The following ARHGEF11 variants were observed in gnomAD, a reference collection of about 807,000 sequenced individuals.
ARHGEF11 encodes the protein Rho guanine nucleotide exchange factor 11, also known as Rho guanine exchange factor (GEF) 11.
ARHGEF11 carries 55 observed loss-of-function variants against 193.7 expected under a neutral mutation model. The observed-to-expected ratio is 0.28, with a 90% CI of 0.23 to 0.36. The LOEUF (loss-of-function observed/expected upper bound fraction) is 0.36. Among genes scored for constraint, ARHGEF11 ranks in the 10% least tolerant of loss-of-function variants. The pLI is 1.00. For missense variants in ARHGEF11, 1,723 were observed against 2,005.6 expected (o/e 0.86, Z 2.69); for synonymous variants, 693 against 768.0 (o/e 0.90, Z 1.62).
chr1:156,963,636 G>C (rs1347409256), intron 11 of ARHGEF11, 42 bp from the exon 12 acceptor site: 1 of 1,598,506 alleles, frequency 6.3e-7, no homozygotes, highest in East Asian at 2.2e-5. Flanking sequence ...AGGTTATAGA[G>C]GACAGAGGAT....
intron 18 of ARHGEF11, among the ~76,000 whole-genome samples, chr1:156,957,381 G>A (rs1486067132): frequency 6.6e-6 from 1 of 152,162 alleles, no homozygotes; most frequent in African/African-American, 2.4e-5. Context: ...GAACTATGCT[G>A]CACCCCAGCT....
At position 156,936,832 on chromosome 1, in the gene ARHGEF11, C is replaced by A. The variant is rs147993798; in HGVS notation, c.4614G>T (p.Gly1538=). 3 of 1,613,766 alleles carry A rather than the reference C, an allele frequency of 1.9e-6. No individual in the cohort carries two copies. The highest frequency in any genetic ancestry group is 2.5e-6 in the Non-Finnish European group (3 of 1,179,874). The change falls in exon 40 of 41, where the codon GGG becomes GGT. Residue 1538 remains glycine, a synonymous_variant. Coordinates refer to ENST00000368194, the MANE Select transcript of ARHGEF11 (RefSeq NM_198236.3). ...TTCACTCACCATCCTCAGGGCAGGG[C>A]CCCAGTTCATGGCTGTTCCTGGAGT... ...ASDSRNSHEL[G]PCPEDGSDAP...
At chr1:157,032,293 C>A (rs571849501) in intron 1 of ARHGEF11, among the ~76,000 whole-genome samples, 2 of 152,288 alleles carry the variant, frequency 1.3e-5, no homozygotes, top group South Asian at 4.1e-4. Context: ...CAGAGTAGAG[C>A]CACTGACAAG....
intron 37 of ARHGEF11, 48 bp downstream of exon 37, chr1:156,939,500 C>T (rs1656316839): frequency 6.2e-7 from 1 of 1,601,626 alleles, no homozygotes; most frequent in Non-Finnish European, 8.5e-7. Flanking sequence ...ACTTATCTCA[C>T]CTAGCAAGGG....
intron 1 of ARHGEF11, among the ~76,000 whole-genome samples, chr1:156,998,994 G>A (rs190581674): frequency 2.6e-5 from 4 of 152,298 alleles, no homozygotes; most frequent in Non-Finnish European, 4.4e-5. Context: ...GAAGTCAGGG[G>A]TGGAGAGCAA....
At chr1:156,998,896 G>C (rs1192593347) in intron 1 of ARHGEF11, among the ~76,000 whole-genome samples, 1 of 152,174 alleles carries the variant, frequency 6.6e-6, no homozygotes, top group Non-Finnish European at 1.5e-5. Flanking sequence ...CCTAGATATT[G>C]GTGCTAATTC....
At chr1:156,994,702 T>C (rs1269412443) in intron 1 of ARHGEF11, among the ~76,000 whole-genome samples, 5 of 152,164 alleles carry the variant, frequency 3.3e-5, no homozygotes, top group Non-Finnish European at 7.3e-5. Flanking sequence ...ACACAGGACA[T>C]GTGGTATGGT....
At chr1:156,994,250 T>C (rs1171108580) in intron 1 of ARHGEF11, among the ~76,000 whole-genome samples, 2 of 152,188 alleles carry the variant, frequency 1.3e-5, no homozygotes, top group African/African-American at 4.8e-5. Flanking sequence ...GCCTGGTGCA[T>C]AGTGAGGGTC....
At chr1:156,952,903 G>A (rs1377283249) in intron 21 of ARHGEF11, among the ~76,000 whole-genome samples, 1 of 152,266 alleles carries the variant, frequency 6.6e-6, no homozygotes, top group East Asian at 1.9e-4. Context: ...CAGCTGGGCA[G>A]CCGCAGCCCT....
chr1:156,990,906 T>G (rs1665606162), intron 1 of ARHGEF11, among the ~76,000 whole-genome samples: 1 of 152,192 alleles, frequency 6.6e-6, no homozygotes, highest in Non-Finnish European at 1.5e-5. Context: ...TAGCAGGAAA[T>G]GCATTTACAA....
chr1:156,991,544 T>C (rs1665698396), intron 1 of ARHGEF11, among the ~76,000 whole-genome samples: 1 of 152,054 alleles, frequency 6.6e-6, no homozygotes, highest in African/African-American at 2.4e-5. Context: ...GGTCTAGAAC[T>C]CCTGGGCTCA....
At chr1:157,039,880 T>C (rs140236808) in intron 1 of ARHGEF11, among the ~76,000 whole-genome samples, 1,944 of 152,280 alleles carry the variant, frequency 0.013, 38 homozygotes, top group African/African-American at 0.044. Flanking sequence ...AGAAACACTA[T>C]ACAAACTAGA....
At chr1:157,045,962 C>G (rs1452071507), upstream of ARHGEF11, among the ~76,000 whole-genome samples, 1 of 150,638 alleles carries the variant, frequency 6.6e-6, no homozygotes, top group Non-Finnish European at 1.5e-5. Flanking sequence ...CGGCCGGGGG[C>G]GGGGGCGGGA....
intron 7 of ARHGEF11, 156 bp from the exon 8 acceptor site, chr1:156,971,972 A>G (rs968076995): frequency 1.1e-6 from 1 of 890,034 alleles, no homozygotes; most frequent in African/African-American, 1.7e-5. Flanking sequence ...CGGTATTTCA[A>G]CATCATTCAG....
At chr1:156,953,308 A>G (rs1322233055) in intron 21 of ARHGEF11, among the ~76,000 whole-genome samples, 4 of 152,164 alleles carry the variant, frequency 2.6e-5, no homozygotes, top group African/African-American at 9.7e-5. Flanking sequence ...GTGTGGTGAT[A>G]TATGTCTGTG....
chr1:156,936,940 C>T lies in ARHGEF11; in HGVS notation c.4506G>A (p.Thr1502=), dbSNP rs369823751. 3.5e-5 allele frequency: 56 copies of T among 1,614,088 alleles called. No individual in the cohort carries two copies. Among genetic ancestry groups the T allele is most frequent in the Middle Eastern group, 1.7e-4 (1 of 6,060 alleles). ...CTTCTGTGTGGAAACTGCCCACAGG[C>T]GTGGTGCCACCAGATGACTCTCCCC... The part of the protein sequence containing the change: ...SLGGESSGGT[T]PVGSFHTEAA... The change falls in exon 40 of 41, where the codon ACG becomes ACA. Residue 1502 remains threonine, a synonymous_variant. Transcript: ENST00000368194.
intron 37 of ARHGEF11, chr1:156,938,816 C>T: frequency 2.5e-6 from 1 of 399,148 alleles, no homozygotes; most frequent in Non-Finnish European, 4.5e-6. Flanking sequence ...CAGGGGAGGG[C>T]AGGCCCACTA....
At chr1:156,995,060 A>G (rs1309444199) in intron 1 of ARHGEF11, among the ~76,000 whole-genome samples, 3 of 151,888 alleles carry the variant, frequency 2.0e-5, no homozygotes. Context: ...TACTGATATG[A>G]CCTCCTAACA....
At chr1:157,021,311 G>A (rs1669949248) in intron 1 of ARHGEF11, among the ~76,000 whole-genome samples, 1 of 152,152 alleles carries the variant, frequency 6.6e-6, no homozygotes, top group Non-Finnish European at 1.5e-5. Flanking sequence ...AGTATTTGAG[G>A]ATGGCAAATG....
Sources: allele counts gnomAD v4.1 joint callset (sites outside exome capture counted in the v4.1 genomes callset), GRCh38; gene constraint gnomAD v4.1.1; transcripts MANE v1.5; gene names NCBI Gene and HGNC (gene_info 2026-07-23, HGNC 2026-07-21).